The following RANBP17 variants were observed in gnomAD, a reference collection of about 807,000 sequenced individuals.
The protein encoded by RANBP17 is ran-binding protein 17.
Under a neutral mutation model 141.2 loss-of-function variants are expected in RANBP17, and 158 were observed. The observed-to-expected ratio is 1.12, with a 90% CI of 0.98 to 1.28. The LOEUF (loss-of-function observed/expected upper bound fraction) is 1.28. Among genes scored for constraint, RANBP17 ranks in the 50% most tolerant of loss-of-function variants. The probability of loss-of-function intolerance (pLI) is 0.00; values close to 1 mark genes in which losing one functional copy is unlikely to be tolerated. For missense variants in RANBP17, 1,438 were observed against 1,290.7 expected, an observed-to-expected ratio of 1.11 and a Z score of -1.75; for synonymous variants, 430 against 450.0, an observed-to-expected ratio of 0.96 and a Z score of 0.56.
chr5:171,024,591 T>C (rs942927078), intron 14 of RANBP17, among the ~76,000 whole-genome samples: 1 of 152,202 alleles, frequency 6.6e-6, no homozygotes, highest in Non-Finnish European at 1.5e-5. Context: ...ATATACTTTC[T>C]ATCCTTATTC....
At chr5:171,220,613 A>G (rs1383085477) in intron 21 of RANBP17, among the ~76,000 whole-genome samples, 1 of 151,652 alleles carries the variant, frequency 6.6e-6, no homozygotes, top group Non-Finnish European at 1.5e-5. Flanking sequence ...ACACCTGGCT[A>G]ATTTTTGTGT....
At chr5:171,282,264 C>T (rs1324620272) in intron 25 of RANBP17, among the ~76,000 whole-genome samples, 5 of 152,124 alleles carry the variant, frequency 3.3e-5, no homozygotes, top group African/African-American at 1.2e-4. Context: ...AGAACTATTC[C>T]TGACAGGGTA....
intron 14 of RANBP17, among the ~76,000 whole-genome samples, chr5:170,971,664 C>T (rs1036920066): frequency 9.2e-5 from 14 of 152,144 alleles, no homozygotes; most frequent in Non-Finnish European, 1.8e-4. Flanking sequence ...TTGAATTTCC[C>T]TTTTGTACCT....
rs1278104003 is a variant in RANBP17 at position 171,242,818 on chromosome 5, T to C, written c.2774T>C (p.Leu925Pro). 6.2e-7 allele frequency: 1 copy of C among 1,613,538 alleles called. No homozygotes were observed. Among genetic ancestry groups the C allele is most frequent in the Admixed American group, 1.7e-5 (1 of 60,004 alleles). ...TCTATCTCAGAGGGACTCACTACTC[T>C]TGGTAAGGATCATAGAGGACATTGT... ...LTSISEGLTT[L>P]DTVVSSSCCT... Residue 925 changes from leucine to proline, a missense_variant and splice_region_variant, in exon 24 of 28, where the codon CTT (leucine) becomes CCT (proline). Coordinates refer to ENST00000523189, the MANE Select transcript of RANBP17 (RefSeq NM_022897.5).
intron 14 of RANBP17, among the ~76,000 whole-genome samples, chr5:171,147,784 C>T (rs997302545): frequency 1.3e-5 from 2 of 152,160 alleles, no homozygotes; most frequent in Admixed American, 1.3e-4. Flanking sequence ...CAGCCCCCCG[C>T]CCGGCCAGCC....
chr5:171,270,491 A>C (rs1455438327), intron 25 of RANBP17, among the ~76,000 whole-genome samples: 15 of 152,170 alleles, frequency 9.9e-5, no homozygotes, highest in Non-Finnish European at 1.8e-4. Flanking sequence ...CAGTGATCAG[A>C]TTACTAATTA....
chr5:171,211,200 C>G (rs949610772), intron 20 of RANBP17, among the ~76,000 whole-genome samples: 3 of 152,004 alleles, frequency 2.0e-5, no homozygotes, highest in Non-Finnish European at 4.4e-5. Flanking sequence ...TTTCATCCAA[C>G]TGAAACCTTA....
intron 22 of RANBP17, among the ~76,000 whole-genome samples, chr5:171,229,043 T>C (rs1002551): frequency 0.08 from 12,215 of 152,248 alleles, 741 homozygotes; most frequent in African/African-American, 0.17. Context: ...AAATGATACT[T>C]ATGTATAAAT....
At chr5:171,261,091 A>C (rs1428482486) in intron 24 of RANBP17, among the ~76,000 whole-genome samples, 97 of 4,498 alleles carry the variant, frequency 0.022, no homozygotes, top group Non-Finnish European at 0.023. Flanking sequence ...CACCCCCCCC[A>C]AAAAAAAAAA....
chr5:171,223,891 A>T (rs1763724065), intron 22 of RANBP17, among the ~76,000 whole-genome samples: 1 of 152,218 alleles, frequency 6.6e-6, no homozygotes, highest in Non-Finnish European at 1.5e-5. Flanking sequence ...TACCGACTTC[A>T]TGACCTTCAG....
chr5:171,110,247 G>A (rs1755130967), intron 14 of RANBP17, among the ~76,000 whole-genome samples: 1 of 151,894 alleles, frequency 6.6e-6, no homozygotes, highest in Non-Finnish European at 1.5e-5. Context: ...CTCATTTGTA[G>A]AATGGGTACA....
At chr5:171,031,223 T>G (rs542430950) in intron 14 of RANBP17, among the ~76,000 whole-genome samples, 2 of 152,052 alleles carry the variant, frequency 1.3e-5, no homozygotes, top group Non-Finnish European at 2.9e-5. Context: ...CTATACCAGT[T>G]AATGCATTTC....
intron 24 of RANBP17, chr5:171,252,667 C>A: frequency 7.0e-7 from 1 of 1,418,464 alleles, no homozygotes; most frequent in Non-Finnish European, 1.0e-6. Flanking sequence ...AAAACTTAGT[C>A]TATTTAACAC....
chr5:170,939,364 TTTATTTATTTA>T (rs1204678645), intron 12 of RANBP17, among the ~76,000 whole-genome samples: 1 of 91,190 alleles, frequency 1.1e-5, no homozygotes, highest in African/African-American at 5.9e-5. Context: ...TTTTATTTTA[TTTATTTATTTA>T]TTTATTTATT....
chr5:170,921,060 G>A (rs959937942), intron 11 of RANBP17, among the ~76,000 whole-genome samples: 3 of 152,012 alleles, frequency 2.0e-5, no homozygotes, highest in African/African-American at 7.2e-5. Flanking sequence ...CTCTGATGAT[G>A]GTTTCTTTTG....
Position 171,183,401 on chromosome 5 carries a change from C to T in RANBP17, c.2009C>T (p.Ala670Val), listed in dbSNP as rs1027940208. 10 of 1,613,248 alleles carry T rather than the reference C, an allele frequency of 6.2e-6. No individual in the cohort carries two copies. Among genetic ancestry groups the T allele is most frequent in the Middle Eastern group, 1.6e-4 (1 of 6,084 alleles). The change falls in exon 18 of 28, where the codon GCG becomes GTG. Residue 670 changes from alanine (A) to valine (V), a missense_variant. Coordinates refer to ENST00000523189, the MANE Select transcript of RANBP17 (RefSeq NM_022897.5). Reference sequence around the variant, plus strand: ...AGGTGTCGAACAACCTTCTACACAGCGCTCACTCGCCTTCTGATGGTAGAT... The same window carrying T: ...AGGTGTCGAACAACCTTCTACACAGTGCTCACTCGCCTTCTGATGGTAGAT... ...DFRCRTTFYTALTRLLMVDLG... is the reference protein window; with the variant it reads ...DFRCRTTFYTVLTRLLMVDLG...
intron 12 of RANBP17, among the ~76,000 whole-genome samples, chr5:170,944,871 G>A (rs1487029328): frequency 1.3e-5 from 2 of 152,118 alleles, no homozygotes; most frequent in Non-Finnish European, 2.9e-5. Flanking sequence ...TTTAAATTTT[G>A]AGAAATTCAC....
chr5:170,871,416 T>C (rs529161442), intron 1 of RANBP17, among the ~76,000 whole-genome samples: 1 of 152,328 alleles, frequency 6.6e-6, no homozygotes, highest in African/African-American at 2.4e-5. Context: ...ATGTAAATTC[T>C]GGATATTAGA....
chr5:171,235,352 G>A (rs143095754), intron 22 of RANBP17, among the ~76,000 whole-genome samples: 2 of 149,568 alleles, frequency 1.3e-5, no homozygotes, highest in African/African-American at 4.9e-5. Flanking sequence ...GGAAGAGACA[G>A]TAGTGTGACT....
Sources: gnomAD v4.1 joint callset for allele counts (sites outside exome capture counted in the v4.1 genomes callset) on GRCh38, gnomAD v4.1.1 for gene constraint, MANE v1.5 for transcripts, NCBI Gene and HGNC (gene_info 2026-07-23, HGNC 2026-07-21) for gene names.